Variants in ATOH8 observed in about 807,000 individuals in gnomAD.
ATOH8 encodes atonal bHLH transcription factor 8.
In ATOH8, 9 loss-of-function variants were observed where a neutral mutation model predicts 21.2. That is an observed-to-expected ratio of 0.42 (90% CI 0.26 to 0.74). The LOEUF (loss-of-function observed/expected upper bound fraction) is 0.74, where lower values mean the gene tolerates loss of function less well. Among genes scored for constraint, ATOH8 ranks in the 30% least tolerant of loss-of-function variants. ATOH8 has a pLI of 0.24. For missense variants in ATOH8, 524 were observed against 470.9 expected, an observed-to-expected ratio of 1.11 and a Z score of -1.04; for synonymous variants, 253 against 224.0, an observed-to-expected ratio of 1.13 and a Z score of -1.16.
Position 85,770,662 on chromosome 2 carries a change from C to T in ATOH8, c.960+6480C>T, listed in dbSNP as rs575195401. On this transcript the variant is annotated intron_variant, in intron 2 of 2. Coordinates refer to ENST00000306279, the MANE Select transcript of ATOH8 (RefSeq NM_032827.7). ...GAGGGGTCATTGGCTGGGGAGCCTC[C>T]CAGGTGAGCTGAGCTGGCTTTCCCT... Among the ~76,000 whole-genome samples, 13 of 152,298 alleles carry T rather than the reference C, an allele frequency of 8.5e-5. No individual in the cohort carries two copies. The East Asian group carries it at 1.5e-3, about 18-fold the overall frequency.
Position 85,789,749 on chromosome 2 carries a change from C to T in ATOH8, c.*2859C>T, listed in dbSNP as rs115909159. ...CTTAATGTGCAGGCAAGGTTGAAGC[C>T]GCTGGTCTAAGTGGGGTCTGGTCTA... On this transcript the variant is annotated 3_prime_UTR_variant, in exon 3 of 3. Coordinates refer to ENST00000306279, the MANE Select transcript of ATOH8 (RefSeq NM_032827.7). Among the ~76,000 whole-genome samples the T allele has an allele frequency of 2.3e-3, 346 of 152,196 alleles. 4 individuals carry two copies. The highest frequency in any genetic ancestry group is 7.8e-3 in the African/African-American group (323 of 41,522).
chr2:85,781,006 C>T (rs1338657270), intron 2 of ATOH8: 2 of 987,934 alleles, frequency 2.0e-6, no homozygotes, highest in Non-Finnish European at 2.4e-6. Context: ...GGCTTTGCGC[C>T]TGTGCCCAGA....
chr2:85,754,143 G>GGCGGCCCGGGCAGCCCC lies in ATOH8; in HGVS notation c.-46_-30dup. 1 of 1,428,340 alleles carries GGCGGCCCGGGCAGCCCC rather than the reference G, an allele frequency of 7.0e-7. No homozygotes were observed. The highest frequency in any genetic ancestry group is 9.1e-7 in the Non-Finnish European group (1 of 1,098,678). 88.5% of individuals were successfully genotyped at this position (1,428,340 alleles called of 1,614,324 possible). On this transcript the variant is annotated 5_prime_UTR_variant, in exon 1 of 3. Coordinates refer to ENST00000306279, the MANE Select transcript of ATOH8 (RefSeq NM_032827.7). ...GAGACTCCTCGGCGCTGAGCGCGGCGGCGGCCCGGGCAGCCCCACGCCCCT... is the reference window on the plus strand; with the variant it reads ...GAGACTCCTCGGCGCTGAGCGCGGCGGCGGCCCGGGCAGCCCCGCGGCCCGGGCAGCCCCACGCCCCT...
At chr2:85,755,031 C>T in intron 1 of ATOH8, 74 bp downstream of exon 1, 1 of 1,479,958 alleles carries the variant, frequency 6.8e-7, no homozygotes, top group Non-Finnish European at 8.9e-7. Flanking sequence ...GTGGCCGGGG[C>T]GGGATAGAGG....
At chr2:85,762,060 C>T (rs1262708431) in intron 1 of ATOH8, among the ~76,000 whole-genome samples, 2 of 152,210 alleles carry the variant, frequency 1.3e-5, no homozygotes, top group African/African-American at 2.4e-5. Context: ...TCTGGCTTCT[C>T]ACCTCCTCTG....
chr2:85,779,441 C>T (rs184836650), intron 2 of ATOH8, among the ~76,000 whole-genome samples: 10 of 152,370 alleles, frequency 6.6e-5, no homozygotes, highest in African/African-American at 2.4e-4. Context: ...GGCCTGCAGC[C>T]TGAGAAGGCG....
intron 2 of ATOH8, chr2:85,775,066 T>C (rs1280510975): frequency 2.1e-6 from 2 of 968,038 alleles, no homozygotes; most frequent in Non-Finnish European, 2.5e-6. Context: ...GAAACTCTAT[T>C]ATGTGATATA....
At chr2:85,778,117 G>A (rs983341499) in intron 2 of ATOH8, among the ~76,000 whole-genome samples, 2 of 152,234 alleles carry the variant, frequency 1.3e-5, no homozygotes, top group Non-Finnish European at 2.9e-5. Flanking sequence ...TCATGCAGTA[G>A]ATACTAATAT....
At chr2:85,778,618 G>A (rs1680400029) in intron 2 of ATOH8, among the ~76,000 whole-genome samples, 1 of 152,222 alleles carries the variant, frequency 6.6e-6, no homozygotes, top group African/African-American at 2.4e-5. Flanking sequence ...GAAGCACTGT[G>A]ATCTCTGCAA....
At chr2:85,758,171 A>G (rs977091652) in intron 1 of ATOH8, among the ~76,000 whole-genome samples, 1 of 152,186 alleles carries the variant, frequency 6.6e-6, no homozygotes, top group Non-Finnish European at 1.5e-5. Context: ...GAATTCTTTA[A>G]TTGTTTTAAT....
intron 2 of ATOH8, among the ~76,000 whole-genome samples, chr2:85,777,771 T>C (rs934775): frequency 0.42 from 64,032 of 152,138 alleles, 15,775 homozygotes; most frequent in African/African-American, 0.69. Context: ...TTTGTTCACT[T>C]TGGGATCCCC....
intron 2 of ATOH8, chr2:85,772,785 T>C: frequency 2.2e-6 from 1 of 456,678 alleles, no homozygotes; most frequent in South Asian, 1.5e-5. Context: ...GCCGCTGTTT[T>C]CTCTTGACTT....
At chr2:85,764,226 G>A (rs1172475599) in intron 2 of ATOH8, 44 bp downstream of exon 2, 12 of 1,605,706 alleles carry the variant, frequency 7.5e-6, no homozygotes, top group Non-Finnish European at 1.0e-5. Flanking sequence ...GGAGCATAGG[G>A]GAGGCAGGGA....
intron 1 of ATOH8, among the ~76,000 whole-genome samples, chr2:85,756,043 TG>T (rs2104492406): frequency 9.6e-6 from 1 of 104,324 alleles, no homozygotes; most frequent in East Asian, 3.1e-4. Flanking sequence ...CTCTTCCTGC[TG>T]GGGGTTGGGG....
At chr2:85,777,280 C>G (rs895857836) in intron 2 of ATOH8, among the ~76,000 whole-genome samples, 2 of 152,184 alleles carry the variant, frequency 1.3e-5, no homozygotes, top group Non-Finnish European at 2.9e-5. Flanking sequence ...ACAGTTCTTA[C>G]GAGCTTGACT....
Position 85,788,877 on chromosome 2 carries a change from G to T in ATOH8, c.*1987G>T, listed in dbSNP as rs1431547490. 2.0e-5 allele frequency among the ~76,000 whole-genome samples: 3 copies of T among 152,176 alleles called. No homozygotes were observed. Among genetic ancestry groups the T allele is most frequent in the Non-Finnish European group, 2.9e-5 (2 of 68,018 alleles). On this transcript the variant is annotated 3_prime_UTR_variant, in exon 3 of 3. Coordinates refer to ENST00000306279, the MANE Select transcript of ATOH8 (RefSeq NM_032827.7). ...GCTGGCACAGAAACAGGGGACCCAG[G>T]TGGCCCTGAGCACTCCTCAGAGCAA...
At position 85,765,348 on chromosome 2, in the gene ATOH8, C is replaced by G. The variant is rs533193900; in HGVS notation, c.960+1166C>G. ...GTTCTCCGGGTTTCCCGGAGGTCCC[C>G]CACGGACTCCAGACTCATGCCAGGG... On this transcript the variant is annotated intron_variant, in intron 2 of 2. Transcript: ENST00000306279. Among the ~76,000 whole-genome samples the G allele has an allele frequency of 2.0e-5, 3 of 152,366 alleles. No homozygotes were observed. The East Asian group carries it at 5.8e-4, about 29-fold the overall frequency.
chr2:85,790,234 A>G lies in ATOH8; in HGVS notation c.*3344A>G, dbSNP rs1346372534. ...TGCTCTGGGTCACCAGGCACAGGCCATAAAGGGATGAGGGGGCCCTCTCCA... is the reference window on the plus strand; with the variant it reads ...TGCTCTGGGTCACCAGGCACAGGCCGTAAAGGGATGAGGGGGCCCTCTCCA... On this transcript the variant is annotated 3_prime_UTR_variant, in exon 3 of 3. Transcript: ENST00000306279. Among the ~76,000 whole-genome samples, 1 of 152,210 alleles carries G rather than the reference A, an allele frequency of 6.6e-6. No individual in the cohort carries two copies. The highest frequency in any genetic ancestry group is 6.5e-5 in the Admixed American group (1 of 15,288).
chr2:85,785,718 C>A lies in ATOH8; in HGVS notation c.961-1167C>A, dbSNP rs965917241. 2.0e-5 allele frequency among the ~76,000 whole-genome samples: 3 copies of A among 152,164 alleles called. No individual in the cohort carries two copies. The highest frequency in any genetic ancestry group is 7.2e-5 in the African/African-American group (3 of 41,442). On this transcript the variant is annotated intron_variant, in intron 2 of 2. Transcript: ENST00000306279. This position sits in a 1 kb window ranked among gnomAD's most constrained non-coding sequence, Gnocchi z 4.1. Reference sequence around the variant, plus strand: ...CTGGCACTGGCAACTTCTAGCACTTCCTTCTCGGAGCCTGGGATTGCTCAC... The same window carrying A: ...CTGGCACTGGCAACTTCTAGCACTTACTTCTCGGAGCCTGGGATTGCTCAC...
Sources: allele counts gnomAD v4.1 joint callset (sites outside exome capture counted in the v4.1 genomes callset), GRCh38; gene constraint gnomAD v4.1.1; non-coding constraint Gnocchi (gnomAD v3.1); transcripts MANE v1.5; gene names NCBI Gene and HGNC (gene_info 2026-07-23, HGNC 2026-07-21).